The following GNA14 variants were observed in gnomAD, a reference collection of about 807,000 sequenced individuals.
GNA14 encodes guanine nucleotide-binding protein subunit alpha-14.
Under a neutral mutation model 42.0 loss-of-function variants are expected in GNA14, and 50 were observed. The ratio of observed to expected loss-of-function variants is 1.19; its 90% confidence interval spans 0.95 to 1.51. The LOEUF is 1.51. GNA14 is among the 40% of genes most tolerant of loss of function. The pLI is 0.00. For missense variants in GNA14, 473 were observed against 446.2 expected, an observed-to-expected ratio of 1.06 and a Z score of -0.54; for synonymous variants, 173 against 163.1, an observed-to-expected ratio of 1.06 and a Z score of -0.46.
At chr9:77,563,097 G>A (rs1486193292) in intron 1 of GNA14, among the ~76,000 whole-genome samples, 1 of 152,090 alleles carries the variant, frequency 6.6e-6, no homozygotes, top group Non-Finnish European at 1.5e-5. Flanking sequence ...CAGTGGCAGG[G>A]GATTAAAGGC....
At chr9:77,558,254 C>T (rs1822821678) in intron 1 of GNA14, among the ~76,000 whole-genome samples, 1 of 151,932 alleles carries the variant, frequency 6.6e-6, no homozygotes, top group Non-Finnish European at 1.5e-5. Context: ...TGCACTTTCA[C>T]ATTGTCCAGC....
At chr9:77,448,202 A>T (rs577142090) in intron 2 of GNA14, among the ~76,000 whole-genome samples, 4 of 152,246 alleles carry the variant, frequency 2.6e-5, no homozygotes, top group African/African-American at 7.2e-5. Flanking sequence ...ACCAAGGCTA[A>T]ATCACGTACT....
At chr9:77,485,127 T>C (rs1836634245) in intron 2 of GNA14, among the ~76,000 whole-genome samples, 1 of 152,198 alleles carries the variant, frequency 6.6e-6, no homozygotes, top group Admixed American at 6.5e-5. Context: ...TGATAGCATT[T>C]TACCTACAGT....
At chr9:77,509,033 C>G (rs1322250263) in intron 2 of GNA14, among the ~76,000 whole-genome samples, 1 of 152,142 alleles carries the variant, frequency 6.6e-6, no homozygotes, top group Non-Finnish European at 1.5e-5. Flanking sequence ...ACCATCACCA[C>G]CATCCCTCTC....
chr9:77,522,056 C>A (rs977039420), intron 2 of GNA14, among the ~76,000 whole-genome samples: 1 of 152,120 alleles, frequency 6.6e-6, no homozygotes. Context: ...AGGCTGGTCT[C>A]GAATTCCTGA....
chr9:77,438,361 G>A (rs770837057), intron 2 of GNA14, among the ~76,000 whole-genome samples: 12 of 152,012 alleles, frequency 7.9e-5, no homozygotes, highest in Admixed American at 3.9e-4. Context: ...CCGCCCCACC[G>A]GGTTCAAGCA....
At chr9:77,524,864 CATTTA>C (rs925752000) in intron 2 of GNA14, among the ~76,000 whole-genome samples, 78 of 152,184 alleles carry the variant, frequency 5.1e-4, no homozygotes, top group African/African-American at 1.8e-3. Flanking sequence ...TCTCGAGGGT[CATTTA>C]ATTTGTAAAT....
intron 1 of GNA14, among the ~76,000 whole-genome samples, chr9:77,569,436 T>C (rs970687049): frequency 1.3e-5 from 2 of 152,166 alleles, no homozygotes; most frequent in Non-Finnish European, 2.9e-5. Context: ...AGAACTGTCC[T>C]GCCCAACAAG....
chr9:77,534,951 G>C (rs1484229106), intron 1 of GNA14, among the ~76,000 whole-genome samples: 2 of 152,226 alleles, frequency 1.3e-5, no homozygotes, highest in African/African-American at 4.8e-5. Context: ...AACCTCACCA[G>C]TGAGCAGGCG....
At chr9:77,563,660 T>A (rs1822919135) in intron 1 of GNA14, among the ~76,000 whole-genome samples, 1 of 152,184 alleles carries the variant, frequency 6.6e-6, no homozygotes, top group Non-Finnish European at 1.5e-5. Flanking sequence ...GAAACTGGGC[T>A]GCTGTTTTTT....
At chr9:77,475,767 G>A (rs1398863819) in intron 2 of GNA14, among the ~76,000 whole-genome samples, 3 of 152,146 alleles carry the variant, frequency 2.0e-5, no homozygotes, top group East Asian at 1.9e-4. Flanking sequence ...CACAAACCCC[G>A]TGCACCTAGG....
At chr9:77,469,160 C>T (rs1836284336) in intron 2 of GNA14, among the ~76,000 whole-genome samples, 3 of 152,134 alleles carry the variant, frequency 2.0e-5, no homozygotes, top group Non-Finnish European at 2.9e-5. Flanking sequence ...GGCTCTCACC[C>T]CCATAAGTAC....
At chr9:77,517,652 G>A (rs11145453) in intron 2 of GNA14, 2 of 121,810 alleles carry the variant, frequency 1.6e-5, no homozygotes, top group Non-Finnish European at 3.2e-5. Context: ...TGTCACCCAG[G>A]CTGGAGTGCA....
Position 77,437,379 on chromosome 9 carries a change from T to C in GNA14, c.310-2857A>G, listed in dbSNP as rs528505605. Among the ~76,000 whole-genome samples the C allele has an allele frequency of 2.0e-5, 3 of 152,280 alleles. No individual in the cohort carries two copies. The East Asian group carries it at 5.8e-4, about 29-fold the overall frequency. On this transcript the variant is annotated intron_variant, in intron 2 of 6. Transcript: ENST00000341700. ...GTCCAACATGGTGAAACCCTGTCTCTACCAAAAACATTAAAAATTAGCTGG... is the reference window on the plus strand; with the variant it reads ...GTCCAACATGGTGAAACCCTGTCTCCACCAAAAACATTAAAAATTAGCTGG...
intron 1 of GNA14, 145 bp downstream of exon 1, chr9:77,647,525 G>A (rs1824376671): frequency 1.1e-6 from 1 of 902,998 alleles, no homozygotes; most frequent in Non-Finnish European, 1.6e-6. Context: ...CCAAGTTGCT[G>A]GCATCCGTGA....
At chr9:77,571,750 T>G in intron 1 of GNA14, among the ~76,000 whole-genome samples, 1 of 116,032 alleles carries the variant, frequency 8.6e-6, no homozygotes, top group Non-Finnish European at 2.0e-5. Flanking sequence ...AGCAAACCTC[T>G]GCCTTCAAAA....
chr9:77,452,549 A>AGT (rs200313599), intron 2 of GNA14, among the ~76,000 whole-genome samples: 22,418 of 54,962 alleles, frequency 0.41, 3,844 homozygotes, highest in East Asian at 0.59. Context: ...ACTGCACACA[A>AGT]GTGTGTGTGT....
intron 3 of GNA14, among the ~76,000 whole-genome samples, chr9:77,433,369 A>ATTATTTAT (rs371802486): frequency 1.3e-5 from 2 of 151,892 alleles, no homozygotes; most frequent in African/African-American, 4.8e-5. Context: ...CCGGGATATT[A>ATTATTTAT]TTATTTATTT....
chr9:77,522,090 G>A (rs1045341764), intron 2 of GNA14, among the ~76,000 whole-genome samples: 1 of 152,132 alleles, frequency 6.6e-6, no homozygotes, highest in African/African-American at 2.4e-5. Context: ...TCCTGCCTCG[G>A]CCCCCCAAAG....
Sources: gnomAD v4.1 joint callset for allele counts (sites outside exome capture counted in the v4.1 genomes callset) on GRCh38, gnomAD v4.1.1 for gene constraint, MANE v1.5 for transcripts, NCBI Gene and HGNC (gene_info 2026-07-23, HGNC 2026-07-21) for gene names.